NTRK3: variants seen among roughly 807,000 people sequenced by gnomAD.
The protein encoded by NTRK3 is neurotrophic receptor tyrosine kinase 3, also known as NT-3 growth factor receptor.
A neutral mutation model predicts 91.7 loss-of-function variants in NTRK3; 24 were observed. The ratio of observed to expected loss-of-function variants is 0.26; its 90% CI spans 0.19 to 0.37. The LOEUF (loss-of-function observed/expected upper bound fraction) is 0.37. Ranked by LOEUF, NTRK3 falls within the 10% of genes least tolerant of loss-of-function variation. The probability of loss-of-function intolerance (pLI) is 1.00; values close to 1 mark genes in which losing one functional copy is unlikely to be tolerated. For synonymous variants in NTRK3, 483 were observed against 404.0 expected (o/e 1.20, Z -2.34); for missense variants, 880 against 1,068.9 (o/e 0.82, Z 2.46).
At chr15:88,206,631 C>A (rs1434959556) in intron 3 of NTRK3, among the ~76,000 whole-genome samples, 3 of 146,694 alleles carry the variant, frequency 2.0e-5, no homozygotes, top group Non-Finnish European at 3.0e-5. Context: ...GCACTCCGGC[C>A]TGGGCGACAG....
At chr15:88,124,034 A>T in intron 13 of NTRK3, among the ~76,000 whole-genome samples, 1 of 152,112 alleles carries the variant, frequency 6.6e-6, no homozygotes, top group Non-Finnish European at 1.5e-5. Flanking sequence ...GAGAAGAGGG[A>T]TGCATTCGGA....
At chr15:88,047,909 C>T (rs2080390845) in intron 13 of NTRK3, among the ~76,000 whole-genome samples, 1 of 152,118 alleles carries the variant, frequency 6.6e-6, no homozygotes, top group South Asian at 2.1e-4. Flanking sequence ...GAATCAACTG[C>T]TGTTTTGAAC....
chr15:87,929,400 C>T (rs2068597757), exon 17 of NTRK3: 2 of 1,614,074 alleles, frequency 1.2e-6, no homozygotes, highest in East Asian at 2.2e-5. Flanking sequence ...CGTGGCTGTC[C>T]ATCCACAAGG....
At chr15:87,899,568 G>C in intron 17 of NTRK3, among the ~76,000 whole-genome samples, 1 of 152,224 alleles carries the variant, frequency 6.6e-6, no homozygotes, top group South Asian at 2.1e-4. Flanking sequence ...AGGGAGACCC[G>C]AGCCTTTGGG....
chr15:88,008,409 C>T (rs895802504), intron 14 of NTRK3, among the ~76,000 whole-genome samples: 3 of 152,058 alleles, frequency 2.0e-5, no homozygotes, highest in African/African-American at 7.2e-5. Flanking sequence ...TTCACTTGTA[C>T]ATGTGAGCCC....
intron 10 of NTRK3, among the ~76,000 whole-genome samples, chr15:88,130,009 A>G (rs2053651215): frequency 6.6e-6 from 1 of 152,178 alleles, no homozygotes; most frequent in South Asian, 2.1e-4. Flanking sequence ...TCACATGACA[A>G]CACAAAGAGA....
At chr15:87,926,173 G>T (rs1428347476) in intron 17 of NTRK3, among the ~76,000 whole-genome samples, 1 of 152,184 alleles carries the variant, frequency 6.6e-6, no homozygotes, top group Non-Finnish European at 1.5e-5. Flanking sequence ...TCATTCCAAT[G>T]TCTTCCAATA....
At chr15:87,976,468 C>T (rs1201736073) in intron 14 of NTRK3, among the ~76,000 whole-genome samples, 1 of 152,310 alleles carries the variant, frequency 6.6e-6, no homozygotes, top group Middle Eastern at 3.4e-3. Flanking sequence ...TCAGGGATTA[C>T]TGGGGCCCAG....
At chr15:88,125,470 C>T (rs924965539) in intron 13 of NTRK3, among the ~76,000 whole-genome samples, 19 of 152,012 alleles carry the variant, frequency 1.2e-4, no homozygotes, top group Non-Finnish European at 2.8e-4. Flanking sequence ...TCGTATCATG[C>T]CTCCCTACCC....
intron 5 of NTRK3, among the ~76,000 whole-genome samples, chr15:88,171,275 G>C (rs1222387118): frequency 6.6e-6 from 1 of 152,128 alleles, no homozygotes; most frequent in African/African-American, 2.4e-5. Flanking sequence ...TCCTCGTTGA[G>C]AATAACAGTA....
chr15:87,916,577 A>T (rs2067461894), intron 17 of NTRK3: 2 of 702,220 alleles, frequency 2.8e-6, no homozygotes, highest in South Asian at 1.5e-5. Flanking sequence ...TGAGAGAAGA[A>T]AACAACTGGA....
At chr15:88,015,241 TAAAC>T (rs1253685066) in intron 14 of NTRK3, among the ~76,000 whole-genome samples, 1 of 152,228 alleles carries the variant, frequency 6.6e-6, no homozygotes, top group East Asian at 1.9e-4. Flanking sequence ...ACAAGCGTGA[TAAAC>T]AAAGGCCTGG....
chr15:88,098,576 C>T (rs2049863681), intron 13 of NTRK3: 1 of 230,242 alleles, frequency 4.3e-6, no homozygotes, highest in Non-Finnish European at 8.6e-6. Context: ...AGTTTCTTTT[C>T]TTGAGCAGAG....
intron 17 of NTRK3, among the ~76,000 whole-genome samples, chr15:87,917,084 T>C (rs912350641): frequency 2.0e-5 from 3 of 152,368 alleles, no homozygotes; most frequent in Admixed American, 6.5e-5. Flanking sequence ...TTTGGTCACA[T>C]TGAGGTTCTT....
At chr15:88,067,402 GTCTC>G (rs2046745403) in intron 13 of NTRK3, among the ~76,000 whole-genome samples, 1 of 152,000 alleles carries the variant, frequency 6.6e-6, no homozygotes, top group Non-Finnish European at 1.5e-5. Context: ...CTATTTTCAT[GTCTC>G]TCTCTGTCTA....
At chr15:87,945,238 C>A (rs1053876039) in intron 14 of NTRK3, among the ~76,000 whole-genome samples, 7 of 152,220 alleles carry the variant, frequency 4.6e-5, no homozygotes, top group African/African-American at 1.7e-4. Context: ...CTGGCTTTTC[C>A]CTAATTCCTT....
intron 3 of NTRK3, among the ~76,000 whole-genome samples, chr15:88,246,167 A>G (rs1233255983): frequency 6.6e-6 from 1 of 152,232 alleles, no homozygotes; most frequent in Non-Finnish European, 1.5e-5. Context: ...GCATGGAACA[A>G]GACAGCACCT....
At chr15:87,995,116 A>G (rs1490375279) in intron 14 of NTRK3, among the ~76,000 whole-genome samples, 1 of 152,240 alleles carries the variant, frequency 6.6e-6, no homozygotes, top group Non-Finnish European at 1.5e-5. Flanking sequence ...TTAGGAGAAC[A>G]AAAGTCCTGG....
chr15:88,149,865 A>G (rs1335300257), intron 5 of NTRK3, among the ~76,000 whole-genome samples: 1 of 152,218 alleles, frequency 6.6e-6, no homozygotes, highest in Admixed American at 6.5e-5. Context: ...TAAGTGTTTG[A>G]TTCATCTAGG....
Sources: allele counts gnomAD v4.1 joint callset (sites outside exome capture counted in the v4.1 genomes callset), GRCh38; gene constraint gnomAD v4.1.1; transcripts MANE v1.5; gene names NCBI Gene and HGNC (gene_info 2026-07-23, HGNC 2026-07-21).